Variants in IL19 observed in about 807,000 individuals in gnomAD.
IL19 encodes the protein interleukin 19, also known as interleukin-19.
A neutral mutation model predicts 19.5 loss-of-function variants in IL19; 15 were observed. That is an observed-to-expected ratio of 0.77 (90% CI 0.52 to 1.19). IL19 has a LOEUF of 1.19. Among genes scored for constraint, IL19 ranks in the 50% most tolerant of loss-of-function variants. IL19 has a pLI of 0.00. For synonymous variants in IL19, 78 were observed against 78.3 expected (o/e 1.00, Z 0.02); for missense variants, 199 against 213.1 (o/e 0.93, Z 0.41).
intron 2 of IL19, among the ~76,000 whole-genome samples, chr1:206,829,815 A>G (rs1260136234): frequency 6.6e-6 from 1 of 152,158 alleles, no homozygotes; most frequent in Non-Finnish European, 1.5e-5. Context: ...GCCCATTGAC[A>G]TAAGATGTGT....
chr1:206,822,442 A>G (rs979837682), intron 2 of IL19, among the ~76,000 whole-genome samples: 2 of 152,190 alleles, frequency 1.3e-5, no homozygotes, highest in African/African-American at 4.8e-5. Flanking sequence ...ACTTCCTTAG[A>G]GAGGCCTTTC....
intron 2 of IL19, among the ~76,000 whole-genome samples, chr1:206,810,612 A>G (rs1675979987): frequency 6.6e-6 from 1 of 152,192 alleles, no homozygotes; most frequent in Non-Finnish European, 1.5e-5. Context: ...ATTGAGTTGA[A>G]TCTCTGATTT....
intron 1 of IL19, among the ~76,000 whole-genome samples, chr1:206,785,169 TG>T (rs769286345): frequency 9.2e-5 from 14 of 152,184 alleles, no homozygotes; most frequent in Non-Finnish European, 1.6e-4. Context: ...ACTCGGGTCA[TG>T]CAGGCTCTGG....
chr1:206,803,404 C>T (rs765747816), intron 2 of IL19, among the ~76,000 whole-genome samples: 6 of 152,098 alleles, frequency 3.9e-5, no homozygotes, highest in Non-Finnish European at 5.9e-5. Context: ...GAAGGTAGGT[C>T]GGATGTGAGA....
chr1:206,808,036 A>G (rs1243517252), intron 2 of IL19, among the ~76,000 whole-genome samples: 3 of 152,252 alleles, frequency 2.0e-5, no homozygotes, highest in African/African-American at 7.2e-5. Flanking sequence ...TTGGTGCCAT[A>G]AAAATTGATA....
At chr1:206,785,703 C>A (rs1268730133) in intron 1 of IL19, among the ~76,000 whole-genome samples, 1 of 152,226 alleles carries the variant, frequency 6.6e-6, no homozygotes, top group African/African-American at 2.4e-5. Flanking sequence ...TCAGATGTTG[C>A]CTGAGGCTGT....
chr1:206,777,230 CAAAAAAAAAAAA>C (rs750939092), intron 1 of IL19, among the ~76,000 whole-genome samples: 1 of 6,132 alleles, frequency 1.6e-4, no homozygotes, highest in African/African-American at 5.3e-4. Context: ...GACTCCGTCT[CAAAAAAAAAAAA>C]AAAAAAAAAA....
At chr1:206,840,937 A>C (rs1432916335) in intron 5 of IL19, 67 bp from the exon 6 acceptor site, 1 of 1,257,130 alleles carries the variant, frequency 8.0e-7, no homozygotes, top group African/African-American at 1.5e-5. Context: ...TCATGTGGGG[A>C]GGCAGGAGTA....
chr1:206,839,099 C>T (rs2243176), intron 4 of IL19, among the ~76,000 whole-genome samples: 23,489 of 152,148 alleles, frequency 0.15, 2,069 homozygotes, highest in East Asian at 0.39. Flanking sequence ...GGGCAGATGG[C>T]GGGCAAACTT....
At chr1:206,774,170 C>T (rs570435576) in intron 1 of IL19, among the ~76,000 whole-genome samples, 1 of 152,348 alleles carries the variant, frequency 6.6e-6, no homozygotes, top group Non-Finnish European at 1.5e-5. Flanking sequence ...AGGGCCCACG[C>T]CCACCCTGTG....
intron 1 of IL19, among the ~76,000 whole-genome samples, chr1:206,773,340 C>T (rs1674909105): frequency 6.6e-6 from 1 of 152,194 alleles, no homozygotes; most frequent in Non-Finnish European, 1.5e-5. Context: ...ATTTGGTTTC[C>T]TCACCCTACT....
At chr1:206,823,121 G>T (rs998709552) in intron 2 of IL19, among the ~76,000 whole-genome samples, 30 of 151,786 alleles carry the variant, frequency 2.0e-4, no homozygotes, top group African/African-American at 7.0e-4. Context: ...GTAGAGACGG[G>T]GTTTCTCCAT....
Position 206,836,765 on chromosome 1 carries a change from C to T in IL19, c.103C>T (p.His35Tyr), listed in dbSNP as rs756467423. 6 of 1,614,012 alleles carry T rather than the reference C, an allele frequency of 3.7e-6. No individual in the cohort carries two copies. The highest frequency in any genetic ancestry group is 1.1e-5 in the South Asian group (1 of 91,072). The change falls in exon 3 of 7, where the codon CAC (histidine) becomes TAC (tyrosine). Residue 35 changes from histidine (H) to tyrosine (Y), a missense_variant. Coordinates refer to ENST00000659997, the MANE Select transcript of IL19 (RefSeq NM_153758.5). ...GAGATGTCTGATTTCCACAGACATG[C>T]ACCATATAGAAGAGAGTTTCCAAGA... Reference protein sequence around the residue: ...LRRCLISTDMHHIEESFQEIK... With the variant: ...LRRCLISTDMYHIEESFQEIK...
chr1:206,842,533 G>T lies in IL19; in HGVS notation c.445G>T (p.Val149Phe). 2.6e-6 allele frequency: 4 copies of T among 1,561,142 alleles called. No homozygotes were observed. The highest frequency in any genetic ancestry group is 2.6e-6 in the Non-Finnish European group (3 of 1,149,592). The change falls in exon 7 of 7, where the codon GTC (valine) becomes TTC (phenylalanine). Residue 149 changes from valine to phenylalanine, a missense_variant. Coordinates refer to ENST00000659997, the MANE Select transcript of IL19 (RefSeq NM_153758.5). ...VIHDNYDQLE[V>F]HAAAIKSLGE... ...CATTGATCTCTGATTTCAGCTGGAG[G>T]TCCACGCTGCTGCCATTAAATCCCT...
chr1:206,835,513 G>A (rs1031547009), intron 2 of IL19, among the ~76,000 whole-genome samples: 1 of 152,212 alleles, frequency 6.6e-6, no homozygotes, highest in Admixed American at 6.5e-5. Flanking sequence ...GGAAGGCATG[G>A]GGAGTGGGGG....
chr1:206,809,758 T>G (rs1041633828), intron 2 of IL19, among the ~76,000 whole-genome samples: 1 of 152,154 alleles, frequency 6.6e-6, no homozygotes, highest in Non-Finnish European at 1.5e-5. Flanking sequence ...GAGGTGGGGT[T>G]GGGCCCAGGA....
chr1:206,841,170 G>T (rs1195072506), intron 6 of IL19, 92 bp downstream of exon 6: 13 of 945,834 alleles, frequency 1.4e-5, no homozygotes, highest in Middle Eastern at 4.2e-4. Context: ...TTAAATTCAT[G>T]CATTCACTCT....
chr1:206,835,111 G>A (rs1676740652), intron 2 of IL19, among the ~76,000 whole-genome samples: 1 of 152,186 alleles, frequency 6.6e-6, no homozygotes, highest in South Asian at 2.1e-4. Flanking sequence ...CAAGCTAAGG[G>A]AGACATCTTT....
intron 1 of IL19, among the ~76,000 whole-genome samples, chr1:206,783,895 A>G (rs1005293084): frequency 1.3e-5 from 2 of 152,218 alleles, no homozygotes; most frequent in Non-Finnish European, 2.9e-5. Context: ...GCAAGGGCGG[A>G]ATGAGTGACT....
Sources: allele counts gnomAD v4.1 joint callset (sites outside exome capture counted in the v4.1 genomes callset), GRCh38; gene constraint gnomAD v4.1.1; transcripts MANE v1.5; gene names NCBI Gene and HGNC (gene_info 2026-07-23, HGNC 2026-07-21).